Variants in HLCS observed in about 807,000 individuals in gnomAD.
The protein encoded by HLCS is biotin--protein ligase.
In HLCS, 53 loss-of-function variants were observed where a neutral mutation model predicts 75.0. The ratio of observed to expected loss-of-function variants is 0.71; its 90% CI spans 0.57 to 0.89. The LOEUF (loss-of-function observed/expected upper bound fraction) is 0.89. HLCS is among the 40% of genes least tolerant of loss of function. HLCS has a pLI of 0.00. For synonymous variants in HLCS, 431 were observed against 428.6 expected (o/e 1.01, Z -0.07); for missense variants, 966 against 1,074.0 (o/e 0.90, Z 1.41).
chr21:36,986,036 C>A (rs2069222292), intron 1 of HLCS, among the ~76,000 whole-genome samples: 1 of 152,078 alleles, frequency 6.6e-6, no homozygotes, highest in South Asian at 2.1e-4. Context: ...AATGTATTCC[C>A]CAAGTGCATG....
intron 6 of HLCS, among the ~76,000 whole-genome samples, chr21:36,851,389 G>C (rs990303491): frequency 6.6e-6 from 1 of 152,198 alleles, no homozygotes; most frequent in African/African-American, 2.4e-5. Flanking sequence ...AACATGGACG[G>C]AACTGGAGGT....
chr21:36,825,198 A>G (rs909938891), intron 6 of HLCS, among the ~76,000 whole-genome samples: 1 of 152,140 alleles, frequency 6.6e-6, no homozygotes, highest in African/African-American at 2.4e-5. Flanking sequence ...CCTGGACAAC[A>G]TAGTGAGAGG....
chr21:36,813,465 G>A (rs1210381255), intron 6 of HLCS, among the ~76,000 whole-genome samples: 1 of 152,112 alleles, frequency 6.6e-6, no homozygotes, highest in Non-Finnish European at 1.5e-5. Flanking sequence ...TCCCAAGCAG[G>A]GATCATGGGA....
chr21:36,794,149 C>T (rs1482375702), intron 6 of HLCS, among the ~76,000 whole-genome samples: 5 of 152,334 alleles, frequency 3.3e-5, no homozygotes, highest in East Asian at 1.9e-4. Context: ...ACAGATGATT[C>T]GGCAACTTTG....
At chr21:36,983,579 T>A (rs1366482300) in intron 1 of HLCS, among the ~76,000 whole-genome samples, 1 of 151,884 alleles carries the variant, frequency 6.6e-6, no homozygotes, top group East Asian at 2.0e-4. Flanking sequence ...GGCTCACGCC[T>A]GTAATCCCAA....
At chr21:36,835,738 T>C (rs190897543) in intron 6 of HLCS, among the ~76,000 whole-genome samples, 2 of 152,268 alleles carry the variant, frequency 1.3e-5, no homozygotes, top group Admixed American at 1.3e-4. Flanking sequence ...CTGTCCCCAG[T>C]AGGCATGCCA....
rs574031906 is a variant in HLCS, at chr21:36,927,347, C to T, written c.1620+2904G>A. On this transcript the variant is annotated intron_variant, in intron 5 of 10. Coordinates refer to ENST00000674895, the MANE Select transcript of HLCS (RefSeq NM_001352514.2). ...CTGGGTGTCGATGAAGGTCTCCGAG[C>T]ACATCCTTCCCAAATGCCAAGGGCT... is the stretch of plus-strand genomic sequence containing the variant. Among the ~76,000 whole-genome samples the T allele has an allele frequency of 7.2e-5, 11 of 152,354 alleles. No homozygotes were observed. In the East Asian group the frequency reaches 2.1e-3, roughly 29 times the overall value.
intron 6 of HLCS, among the ~76,000 whole-genome samples, chr21:36,816,057 A>T (rs2835466): frequency 6.6e-6 from 1 of 151,678 alleles, no homozygotes; most frequent in African/African-American, 2.4e-5. Context: ...AACTCAGGGG[A>T]CTCTAAAGTA....
upstream of HLCS, among the ~76,000 whole-genome samples, chr21:36,967,181 C>T (rs985954025): frequency 3.9e-4 from 60 of 152,072 alleles, no homozygotes; most frequent in African/African-American, 1.3e-3. Flanking sequence ...AGCAGCACAC[C>T]GGGAGTCCCA....
intron 6 of HLCS, among the ~76,000 whole-genome samples, chr21:36,768,515 G>A (rs753709837): frequency 6.6e-5 from 10 of 152,214 alleles, no homozygotes; most frequent in African/African-American, 7.2e-5. Context: ...ACAGAGCTCC[G>A]TCTGACGGCG....
intron 6 of HLCS, among the ~76,000 whole-genome samples, chr21:36,830,881 G>A (rs550670362): frequency 6.7e-6 from 1 of 149,884 alleles, no homozygotes; most frequent in Non-Finnish European, 1.5e-5. Flanking sequence ...CCAGGATGAG[G>A]AGGCTTTTAC....
chr21:36,908,888 G>A (rs913872838), intron 5 of HLCS, among the ~76,000 whole-genome samples: 1 of 152,144 alleles, frequency 6.6e-6, no homozygotes, highest in East Asian at 1.9e-4. Flanking sequence ...GGGTGGATGA[G>A]CGCATGAGAA....
intron 6 of HLCS, among the ~76,000 whole-genome samples, chr21:36,825,926 A>G (rs2146025015): frequency 6.6e-6 from 1 of 152,328 alleles, no homozygotes; most frequent in South Asian, 2.1e-4. Flanking sequence ...GAGTGGGGAC[A>G]GTAAAGGGCG....
chr21:36,828,920 T>C (rs1032490103), intron 6 of HLCS, among the ~76,000 whole-genome samples: 8 of 152,224 alleles, frequency 5.3e-5, no homozygotes, highest in Non-Finnish European at 1.2e-4. Context: ...TGCACAATGA[T>C]TAGACTATGC....
At chr21:36,914,688 T>C (rs577564937) in intron 5 of HLCS, among the ~76,000 whole-genome samples, 1 of 152,234 alleles carries the variant, frequency 6.6e-6, no homozygotes, top group South Asian at 2.1e-4. Context: ...GAATCTATTC[T>C]GCAAGTGCAG....
At chr21:36,966,109 G>C (rs1277757973) in intron 1 of HLCS, among the ~76,000 whole-genome samples, 2 of 152,222 alleles carry the variant, frequency 1.3e-5, no homozygotes, top group African/African-American at 4.8e-5. Flanking sequence ...CCGGCTCGAA[G>C]TGTGGGAGAG....
At chr21:36,827,727 G>A (rs1419961922) in intron 6 of HLCS, among the ~76,000 whole-genome samples, 1 of 151,882 alleles carries the variant, frequency 6.6e-6, no homozygotes. Context: ...AAGAAACCTT[G>A]GTGACCTTTA....
intron 2 of HLCS, among the ~76,000 whole-genome samples, chr21:36,953,971 G>A (rs891547375): frequency 2.0e-5 from 3 of 151,932 alleles, no homozygotes; most frequent in Admixed American, 6.6e-5. Context: ...TGGTGATGCC[G>A]GTGTACACAA....
intron 6 of HLCS, among the ~76,000 whole-genome samples, chr21:36,851,276 CT>C (rs1392102983): frequency 6.6e-6 from 1 of 152,158 alleles, no homozygotes; most frequent in Non-Finnish European, 1.5e-5. Flanking sequence ...TGGGAGCAAC[CT>C]AAGCGTCCAT....
Sources: gnomAD v4.1 joint callset for allele counts (sites outside exome capture counted in the v4.1 genomes callset) on GRCh38, gnomAD v4.1.1 for gene constraint, MANE v1.5 for transcripts, NCBI Gene and HGNC (gene_info 2026-07-23, HGNC 2026-07-21) for gene names.